MICU2: variants seen among roughly 807,000 people sequenced by gnomAD.
MICU2 encodes mitochondrial calcium uptake 2.
MICU2 carries 64 observed loss-of-function variants against 60.4 expected under a neutral mutation model. That is an observed-to-expected ratio of 1.06 (90% CI 0.87 to 1.31). The LOEUF (loss-of-function observed/expected upper bound fraction) is 1.31. Ranked by LOEUF, MICU2 falls within the 50% of genes most tolerant of loss-of-function variation. The probability of loss-of-function intolerance (pLI) is 0.00; values close to 1 mark genes in which losing one functional copy is unlikely to be tolerated. For synonymous variants in MICU2, 201 were observed against 175.0 expected (o/e 1.15, Z -1.17); for missense variants, 569 against 531.0 (o/e 1.07, Z -0.70).
At chr13:21,517,795 ACACACGCGCG>A (rs1303107214) in intron 6 of MICU2, among the ~76,000 whole-genome samples, 1 of 118,482 alleles carries the variant, frequency 8.4e-6, no homozygotes, top group East Asian at 2.3e-4. Flanking sequence ...ACACACACAC[ACACACGCGCG>A]CGCGCGCGCA....
At chr13:21,562,626 C>T (rs2798271) in intron 2 of MICU2, among the ~76,000 whole-genome samples, 52,289 of 151,690 alleles carry the variant, frequency 0.34, 9,313 homozygotes, top group South Asian at 0.4. Flanking sequence ...TAACACTATA[C>T]CACTTCGTGG....
chr13:21,534,078 T>TAA (rs770621245), intron 4 of MICU2, among the ~76,000 whole-genome samples: 6 of 126,216 alleles, frequency 4.8e-5, no homozygotes, highest in African/African-American at 5.9e-5. Context: ...TGAGACTGTC[T>TAA]AAAAAAAAAA....
intron 1 of MICU2, among the ~76,000 whole-genome samples, chr13:21,597,577 A>C (rs1465666499): frequency 6.6e-6 from 1 of 152,226 alleles, no homozygotes; most frequent in Non-Finnish European, 1.5e-5. Flanking sequence ...AAGAATACAG[A>C]GATGAAAAAG....
chr13:21,498,329 G>A (rs1886051893), intron 9 of MICU2, among the ~76,000 whole-genome samples: 2 of 141,036 alleles, frequency 1.4e-5, no homozygotes, highest in African/African-American at 5.3e-5. Flanking sequence ...CCAGACATGA[G>A]TTACCAATTC....
Position 21,522,628 on chromosome 13 carries a change from A to C in MICU2, c.489T>G (p.Tyr163Ter). ...GDKGLISYTE[Y>*]LFLLTILTKP... ...TAGTGAGGATTGTAAGCAAGAAAAG[A>C]TACTCGGTATATGAAATTAGCCCTG... Residue 163 changes from tyrosine (Y) to a stop codon, truncating the protein, a stop_gained, in exon 5 of 12, where the codon TAT becomes TAG. Transcript: ENST00000382374. LOFTEE classifies it high-confidence loss of function. 1.2e-6 allele frequency: 2 copies of C among 1,605,652 alleles called. No homozygotes were observed. Among genetic ancestry groups the C allele is most frequent in the Non-Finnish European group, 1.7e-6 (2 of 1,175,804 alleles).
intron 6 of MICU2, among the ~76,000 whole-genome samples, chr13:21,515,080 A>G (rs1053132962): frequency 3.1e-5 from 3 of 95,336 alleles, no homozygotes; most frequent in African/African-American, 1.2e-4. Context: ...ATTTTCAAGT[A>G]TATAGTTTTT....
intron 2 of MICU2, among the ~76,000 whole-genome samples, chr13:21,550,873 C>T (rs749997003): frequency 4.6e-5 from 7 of 152,212 alleles, no homozygotes; most frequent in Non-Finnish European, 1.0e-4. Flanking sequence ...TGCCCACAGA[C>T]ACAATACTAC....
intron 2 of MICU2, among the ~76,000 whole-genome samples, chr13:21,560,769 A>G (rs183791967): frequency 3.3e-5 from 5 of 152,288 alleles, no homozygotes; most frequent in African/African-American, 1.2e-4. Context: ...AGAAATGTCT[A>G]GGTAGCAGAA....
intron 4 of MICU2, among the ~76,000 whole-genome samples, chr13:21,531,554 G>GT (rs772831786): frequency 3.3e-5 from 5 of 152,158 alleles, no homozygotes; most frequent in Non-Finnish European, 5.9e-5. Context: ...GGAAGAAAAA[G>GT]TCCCATAAAG....
intron 2 of MICU2, among the ~76,000 whole-genome samples, chr13:21,550,498 A>G (rs1190716833): frequency 6.6e-6 from 1 of 152,228 alleles, no homozygotes; most frequent in East Asian, 1.9e-4. Flanking sequence ...TGATCGCACC[A>G]CTGCACCCCA....
At chr13:21,536,888 A>T in intron 4 of MICU2, among the ~76,000 whole-genome samples, 1 of 152,196 alleles carries the variant, frequency 6.6e-6, no homozygotes, top group East Asian at 1.9e-4. Context: ...TAACTATGCC[A>T]ACTTCTATTT....
At chr13:21,513,506 A>G (rs1886483472) in intron 7 of MICU2, among the ~76,000 whole-genome samples, 1 of 151,938 alleles carries the variant, frequency 6.6e-6, no homozygotes. Flanking sequence ...GGGAGGCCGA[A>G]GCGGGCGGAT....
intron 1 of MICU2, among the ~76,000 whole-genome samples, chr13:21,588,492 C>T (rs1722204421): frequency 6.6e-6 from 1 of 152,204 alleles, no homozygotes. Flanking sequence ...CAAGGGCCAT[C>T]TAGCTTCCAT....
At chr13:21,558,324 A>T (rs1467118964) in intron 2 of MICU2, among the ~76,000 whole-genome samples, 2 of 152,232 alleles carry the variant, frequency 1.3e-5, no homozygotes, top group East Asian at 3.9e-4. Flanking sequence ...AAGCTCCACT[A>T]ATTTGGGGTC....
chr13:21,533,705 T>G (rs1441152920), intron 4 of MICU2, among the ~76,000 whole-genome samples: 1 of 152,112 alleles, frequency 6.6e-6, no homozygotes, highest in Non-Finnish European at 1.5e-5. Flanking sequence ...GTGACTGCAT[T>G]TTGTGACTAA....
chr13:21,539,625 A>T, intron 3 of MICU2, 32 bp downstream of exon 3: 1 of 1,613,928 alleles, frequency 6.2e-7, no homozygotes, highest in East Asian at 2.2e-5. Flanking sequence ...CTTACCAAAA[A>T]CAAACCCTGC....
At chr13:21,518,544 G>C (rs545734709) in intron 6 of MICU2, among the ~76,000 whole-genome samples, 1 of 152,256 alleles carries the variant, frequency 6.6e-6, no homozygotes, top group Non-Finnish European at 1.5e-5. Flanking sequence ...GTAATTCCAA[G>C]ATTTGGCTGT....
At chr13:21,502,559 C>G (rs1400138215) in intron 9 of MICU2, among the ~76,000 whole-genome samples, 1 of 152,098 alleles carries the variant, frequency 6.6e-6, no homozygotes, top group Non-Finnish European at 1.5e-5. Flanking sequence ...CTCTTGGGTT[C>G]TCTAGGCATA....
intron 4 of MICU2, among the ~76,000 whole-genome samples, chr13:21,523,755 TG>T (rs1471212348): frequency 6.6e-6 from 1 of 152,184 alleles, no homozygotes; most frequent in Non-Finnish European, 1.5e-5. Flanking sequence ...ACACCTAAGT[TG>T]GGCCACTCAT....
Sources: gnomAD v4.1 joint callset for allele counts (sites outside exome capture counted in the v4.1 genomes callset) on GRCh38, gnomAD v4.1.1 for gene constraint, MANE v1.5 for transcripts, NCBI Gene and HGNC (gene_info 2026-07-23, HGNC 2026-07-21) for gene names.